PHLPP2: variants seen among roughly 807,000 people sequenced by gnomAD.
PHLPP2 encodes PH domain leucine-rich repeat-containing protein phosphatase 2.
Under a neutral mutation model 124.9 loss-of-function variants are expected in PHLPP2, and 66 were observed. The observed-to-expected ratio is 0.53, with a 90% CI of 0.43 to 0.65. The LOEUF is 0.65. Among genes scored for constraint, PHLPP2 ranks in the 30% least tolerant of loss-of-function variants. The pLI, the probability that PHLPP2 is intolerant of heterozygous loss-of-function variation, is 0.00. For missense variants in PHLPP2, 1,685 were observed against 1,600.4 expected (o/e 1.05, Z -0.90); for synonymous variants, 681 against 624.7 (o/e 1.09, Z -1.34).
In PHLPP2 at chr16:71,652,951, C is replaced by G; in HGVS notation, c.2656G>C (p.Asp886His). Residue 886 changes from aspartate to histidine, a missense_variant, in exon 18 of 19, where the codon GAT becomes CAT. Coordinates refer to ENST00000568954, the MANE Select transcript of PHLPP2 (RefSeq NM_015020.3). ...GTCAAGCTAAAGCTACTTGCTGGATCGGCAGTGTCAGGGCGGATGTAGCAC... is the reference window on the plus strand; with the variant it reads ...GTCAAGCTAAAGCTACTTGCTGGATGGGCAGTGTCAGGGCGGATGTAGCAC... ...LLCYIRPDTADPASSFSLTVA... is the reference protein window; with the variant it reads ...LLCYIRPDTAHPASSFSLTVA... The G allele has an allele frequency of 6.2e-7, 1 of 1,614,046 alleles. No individual in the cohort carries two copies. Among genetic ancestry groups the G allele is most frequent in the Non-Finnish European group, 8.5e-7 (1 of 1,180,014 alleles).
At chr16:71,707,247 G>A (rs1263224634) in intron 2 of PHLPP2, among the ~76,000 whole-genome samples, 1 of 151,982 alleles carries the variant, frequency 6.6e-6, no homozygotes, top group Non-Finnish European at 1.5e-5. Context: ...GAGCCACCGC[G>A]CCCGGCCAAG....
chr16:71,711,607 G>A lies in PHLPP2; in HGVS notation c.284+2905C>T, dbSNP rs2045324691. 1.3e-5 allele frequency among the ~76,000 whole-genome samples: 2 copies of A among 152,132 alleles called. 1 individual carries two copies. Among genetic ancestry groups the A allele is most frequent in the South Asian group, 4.1e-4 (2 of 4,830 alleles). On this transcript the variant is annotated intron_variant, in intron 2 of 18. Transcript: ENST00000568954. ...ACTTTAATTTCCTCATTTATAAAAT[G>A]GGGACAGCGTCTACCTCACAAGATG...
chr16:71,681,837 G>T lies in PHLPP2; in HGVS notation c.804C>A (p.Leu268=). The part of the protein sequence containing the change: ...CYSLEEVPEH[L]FYSQDITYLN... ...GGTAGGTAATATCTTGACTATAGAA[G>T]AGATGCTCAGGAACCTCCTCGAGGC... The change falls in exon 6 of 19, where the codon CTC becomes CTA. Residue 268 remains leucine (L), a synonymous_variant. Coordinates refer to ENST00000568954, the MANE Select transcript of PHLPP2 (RefSeq NM_015020.3). 6.2e-7 allele frequency: 1 copy of T among 1,613,868 alleles called. No homozygotes were observed. The highest frequency in any genetic ancestry group is 8.5e-7 in the Non-Finnish European group (1 of 1,179,848).
chr16:71,683,093 C>A (rs1222830589), intron 5 of PHLPP2, among the ~76,000 whole-genome samples: 1 of 152,026 alleles, frequency 6.6e-6, no homozygotes. Context: ...ACTGCTTGAA[C>A]CCAGGAGACA....
chr16:71,697,462 G>T lies in PHLPP2; in HGVS notation c.418+5136C>A, dbSNP rs558931012. 3.3e-5 allele frequency among the ~76,000 whole-genome samples: 5 copies of T among 152,200 alleles called. No homozygotes were observed. In the South Asian group the frequency reaches 1.0e-3, roughly 32 times the overall value. On this transcript the variant is annotated intron_variant, in intron 3 of 18. Transcript: ENST00000568954. ...ATGGGCTGTAGCTAGGCAGTTATATGCCCCACTACAATTTTGTTACTATGA... is the reference window on the plus strand; with the variant it reads ...ATGGGCTGTAGCTAGGCAGTTATATTCCCCACTACAATTTTGTTACTATGA...
At chr16:71,651,339 A>T (rs1417182627) in intron 18 of PHLPP2, among the ~76,000 whole-genome samples, 2 of 139,900 alleles carry the variant, frequency 1.4e-5, no homozygotes, top group Admixed American at 1.4e-4. Context: ...ATTCTGCCTC[A>T]AAAAAAAAAA....
Position 71,667,164 on chromosome 16 carries a change from C to T in PHLPP2, c.1784+14G>A. ...ATGATTCTGCTCTTCCGAAAAAAAT[C>T]CTATGATACTTACTTTAAGGCCTTG... is the stretch of plus-strand genomic sequence containing the variant. On this transcript the variant is annotated intron_variant, in intron 12 of 18. Coordinates refer to ENST00000568954, the MANE Select transcript of PHLPP2 (RefSeq NM_015020.3). 1.2e-6 allele frequency: 2 copies of T among 1,603,144 alleles called. No homozygotes were observed. Among genetic ancestry groups the T allele is most frequent in the Non-Finnish European group, 1.7e-6 (2 of 1,174,550 alleles).
rs545916742 is a variant in PHLPP2 at position 71,648,761 on chromosome 16, A to C, written c.*129T>G. ...ACTCCAGCCTGAGCGACTGAGCAAG[A>C]CTCCGTCTCAAAACAAACAAACAAA... is the stretch of plus-strand genomic sequence containing the variant. On this transcript the variant is annotated 3_prime_UTR_variant, in exon 19 of 19. Transcript: ENST00000568954. 1,429 of 717,910 alleles carry C rather than the reference A, an allele frequency of 2.0e-3. 3 individuals are homozygous for C. Among genetic ancestry groups the C allele is most frequent in the Non-Finnish European group, 3.0e-3 (1,272 of 427,008 alleles). The allele number at this position is 717,910 out of a possible 1,614,324, so 44.5% of individuals were successfully genotyped here.
chr16:71,721,029 T>A (rs2045395126), intron 1 of PHLPP2, among the ~76,000 whole-genome samples: 1 of 150,502 alleles, frequency 6.6e-6, no homozygotes. Flanking sequence ...AAAGAATATG[T>A]CAGCGCTTTA....
chr16:71,661,714 C>T (rs1011587069), intron 13 of PHLPP2, among the ~76,000 whole-genome samples: 4 of 152,126 alleles, frequency 2.6e-5, no homozygotes, highest in Admixed American at 1.3e-4. Context: ...GTGGTTCACA[C>T]CTATAATCCC....
In PHLPP2 at chr16:71,678,776, T is replaced by C. The variant is rs1484156643; in HGVS notation, c.1247A>G (p.His416Arg). 1 of 1,593,792 alleles carries C rather than the reference T, an allele frequency of 6.3e-7. No homozygotes were observed. Among genetic ancestry groups the C allele is most frequent in the Non-Finnish European group, 8.6e-7 (1 of 1,161,630 alleles). Residue 416 changes from histidine to arginine, a missense_variant, in exon 8 of 19, where the codon CAT becomes CGT. By Grantham distance (29) the His-to-Arg change is conservative. Transcript: ENST00000568954. ...LNLGVLNRMN[H>R]IKHVDLRMNH... The stretch of plus-strand genomic sequence containing the variant: ...TTACCTTAAATCCACATGCTTGATA[T>C]GGTTCATCCTATTCAGCACCCCTAA...
intron 3 of PHLPP2, among the ~76,000 whole-genome samples, chr16:71,696,101 A>T (rs902071084): frequency 2.0e-5 from 3 of 152,232 alleles, no homozygotes; most frequent in African/African-American, 7.2e-5. Context: ...TAAGACTAAG[A>T]AAATACACAA....
At chr16:71,668,980 A>G (rs2044865611) in intron 11 of PHLPP2, among the ~76,000 whole-genome samples, 1 of 152,240 alleles carries the variant, frequency 6.6e-6, no homozygotes, top group Non-Finnish European at 1.5e-5. Context: ...AGCTCATCCT[A>G]TAAAAATTAA....
At chr16:71,670,050 C>G (rs1032722293) in intron 10 of PHLPP2, among the ~76,000 whole-genome samples, 3 of 152,146 alleles carry the variant, frequency 2.0e-5, no homozygotes, top group Non-Finnish European at 4.4e-5. Flanking sequence ...TGGATCAAAA[C>G]AAGCTCTCTA....
chr16:71,687,517 G>C (rs772627050), intron 4 of PHLPP2, among the ~76,000 whole-genome samples: 2 of 152,050 alleles, frequency 1.3e-5, no homozygotes, highest in East Asian at 1.9e-4. Context: ...TATGATTACT[G>C]ATATATTCGG....
At position 71,663,891 on chromosome 16, in the gene PHLPP2, C is replaced by T; in HGVS notation, c.1985+8G>A. ...ATTTGAAATGATCAAAGTTTGCATT[C>T]ATTTTACCTTGCAGGAAAGGTCTGT... On this transcript the variant is annotated splice_region_variant and intron_variant, in intron 13 of 18. Coordinates refer to ENST00000568954, the MANE Select transcript of PHLPP2 (RefSeq NM_015020.3). 6.2e-7 allele frequency: 1 copy of T among 1,606,088 alleles called. No homozygotes were observed. The highest frequency in any genetic ancestry group is 8.5e-7 in the Non-Finnish European group (1 of 1,172,652).
chr16:71,666,653 T>A (rs1426900941), intron 12 of PHLPP2, among the ~76,000 whole-genome samples: 1 of 152,238 alleles, frequency 6.6e-6, no homozygotes, highest in Non-Finnish European at 1.5e-5. Context: ...TATTTGTTAA[T>A]TTATAGTGAG....
intron 2 of PHLPP2, among the ~76,000 whole-genome samples, chr16:71,707,093 T>C (rs2045280359): frequency 6.6e-6 from 1 of 151,176 alleles, no homozygotes. Flanking sequence ...TAGCTGGGAC[T>C]ACAGGCGCCC....
At chr16:71,706,904 T>A in intron 2 of PHLPP2, among the ~76,000 whole-genome samples, 1 of 151,610 alleles carries the variant, frequency 6.6e-6, no homozygotes, top group East Asian at 1.9e-4. Flanking sequence ...AAATTACCAT[T>A]ATTTCATTAA....
Sources: allele counts gnomAD v4.1 joint callset (sites outside exome capture counted in the v4.1 genomes callset), GRCh38; gene constraint gnomAD v4.1.1; transcripts MANE v1.5; gene names NCBI Gene and HGNC (gene_info 2026-07-23, HGNC 2026-07-21).